The following CDHR3 variants were observed in gnomAD, a reference collection of about 807,000 sequenced individuals.
CDHR3 encodes cadherin-related family member 3.
In CDHR3, 79 loss-of-function variants were observed where a neutral mutation model predicts 86.6. The observed-to-expected ratio is 0.91, with a 90% confidence interval of 0.76 to 1.10. The LOEUF (loss-of-function observed/expected upper bound fraction) is 1.10. Ranked by LOEUF, CDHR3 falls within the 50% of genes least tolerant of loss-of-function variation. CDHR3 has a pLI of 0.00. For missense variants in CDHR3, 1,081 were observed against 1,077.6 expected (o/e 1.00, Z -0.04); for synonymous variants, 421 against 402.4 (o/e 1.05, Z -0.55).
intron 8 of CDHR3, among the ~76,000 whole-genome samples, chr7:106,009,707 G>T (rs1834491927): frequency 6.6e-6 from 1 of 152,198 alleles, no homozygotes. Context: ...CTTTCGTACC[G>T]TGGCCCCTGA....
At chr7:105,992,089 C>A (rs1831441655) in intron 4 of CDHR3, among the ~76,000 whole-genome samples, 1 of 152,118 alleles carries the variant, frequency 6.6e-6, no homozygotes. Flanking sequence ...TGTATGTATC[C>A]CCTTTGGAGC....
intron 7 of CDHR3, among the ~76,000 whole-genome samples, chr7:106,002,461 C>T (rs1833345530): frequency 6.6e-6 from 1 of 151,610 alleles, no homozygotes; most frequent in African/African-American, 2.4e-5. Flanking sequence ...TCTCTGTCTT[C>T]CAGAATAGGA....
rs901564044 is a variant in CDHR3, at chr7:106,034,320, C to G, written c.*1623C>G. On this transcript the variant is annotated 3_prime_UTR_variant, in exon 19 of 19. Coordinates refer to ENST00000317716, the MANE Select transcript of CDHR3 (RefSeq NM_152750.5). The stretch of plus-strand genomic sequence containing the variant: ...CTAGTCCAGTAACCCTAAGAAAGGT[C>G]CAGGTGAGTGTTCATTAGGGAAGCA... Among the ~76,000 whole-genome samples, 1 of 152,206 alleles carries G rather than the reference C, an allele frequency of 6.6e-6. No individual in the cohort carries two copies. Among genetic ancestry groups the G allele is most frequent in the African/African-American group, 2.4e-5 (1 of 41,438 alleles).
chr7:105,992,250 G>T (rs990907121), intron 4 of CDHR3, among the ~76,000 whole-genome samples: 2 of 152,164 alleles, frequency 1.3e-5, no homozygotes, highest in Non-Finnish European at 2.9e-5. Context: ...CATGTGGAAG[G>T]ACGCCCTGAT....
chr7:105,996,483 G>A (rs1198411273), intron 6 of CDHR3, 129 bp downstream of exon 6: 1 of 543,584 alleles, frequency 1.8e-6, no homozygotes, highest in Non-Finnish European at 3.3e-6. Context: ...AAAGATTAGA[G>A]GCACGTGCTC....
At position 106,007,269 on chromosome 7, in the gene CDHR3, G is replaced by A. The variant is rs554392810; in HGVS notation, c.1052+2582G>A. On this transcript the variant is annotated intron_variant, in intron 8 of 18. Transcript: ENST00000317716. The stretch of plus-strand genomic sequence containing the variant: ...TCCACAGAGGTCTCTGACATGCCCT[G>A]GTGACATTTACCCCATTGTCTTGGT... Among the ~76,000 whole-genome samples the A allele has an allele frequency of 2.6e-3, 403 of 152,286 alleles. 5 individuals are homozygous for A. Among genetic ancestry groups the A allele is most frequent in the South Asian group, 3.7e-3 (18 of 4,822 alleles).
chr7:106,013,983 C>T (rs1245825987), intron 9 of CDHR3, among the ~76,000 whole-genome samples: 4 of 151,810 alleles, frequency 2.6e-5, no homozygotes, highest in African/African-American at 9.7e-5. Flanking sequence ...TTTTAAGAGA[C>T]CATGTCTCGC....
intron 2 of CDHR3, among the ~76,000 whole-genome samples, chr7:105,976,059 G>A (rs188741270): frequency 1.1e-4 from 16 of 152,268 alleles, no homozygotes; most frequent in African/African-American, 3.4e-4. Flanking sequence ...CACACATTCA[G>A]TCAGTCTACA....
In CDHR3 at chr7:106,033,305, A is replaced by T. The variant is rs1349848956; in HGVS notation, c.*608A>T. ...TCCGGATCAGCATCCTGCATGTGAG[A>T]TTCATCCACGTTGTCCTGTCTAGCA... On this transcript the variant is annotated 3_prime_UTR_variant, in exon 19 of 19. Transcript: ENST00000317716. 4 of 152,730 alleles carry T rather than the reference A, an allele frequency of 2.6e-5. No individual in the cohort carries two copies. The highest frequency in any genetic ancestry group is 5.8e-5 in the Non-Finnish European group (4 of 68,458). 9.5% of individuals were successfully genotyped at this position (152,730 alleles called of 1,614,324 possible). A position where few individuals can be genotyped will look rare whatever the true frequency, so the allele number is the denominator to read the frequency against.
Position 106,015,818 on chromosome 7 carries a change from G to T in CDHR3, c.1328-109G>T, listed in dbSNP as rs537046506. The T allele has an allele frequency of 3.7e-6, 3 of 814,962 alleles. No homozygotes were observed. The South Asian group carries it at 4.3e-5, about 12-fold the overall frequency. The allele number at this position is 814,962 out of a possible 1,614,324, so 50.5% of individuals were successfully genotyped here. A position where few individuals can be genotyped will look rare whatever the true frequency, so the allele number is the denominator to read the frequency against. ...GGAGCTCCCATGTCTTAGCCACCTG[G>T]TATCCCCTATGCGCAAAGCCTGTAC... On this transcript the variant is annotated intron_variant, in intron 10 of 18. Coordinates refer to ENST00000317716, the MANE Select transcript of CDHR3 (RefSeq NM_152750.5).
At chr7:105,968,951 G>A (rs894497486) in intron 1 of CDHR3, among the ~76,000 whole-genome samples, 1 of 151,208 alleles carries the variant, frequency 6.6e-6, no homozygotes, top group Admixed American at 6.6e-5. Context: ...AGCCAGGCGT[G>A]GTGGCGGGCA....
chr7:105,983,076 C>T (rs1986676708), intron 3 of CDHR3, among the ~76,000 whole-genome samples: 1 of 151,986 alleles, frequency 6.6e-6, no homozygotes, highest in African/African-American at 2.4e-5. Context: ...TGTAACCCAA[C>T]TCACACTTCC....
chr7:105,973,330 C>T (rs913318110), intron 1 of CDHR3, among the ~76,000 whole-genome samples: 5 of 152,128 alleles, frequency 3.3e-5, no homozygotes, highest in African/African-American at 7.2e-5. Context: ...TCATTGTATT[C>T]GTTTCCTAGG....
At chr7:105,968,021 G>A (rs1827255822) in intron 1 of CDHR3, among the ~76,000 whole-genome samples, 2 of 152,168 alleles carry the variant, frequency 1.3e-5, no homozygotes, top group South Asian at 4.1e-4. Flanking sequence ...TAGACATGAA[G>A]TCCTTGCCCA....
chr7:106,032,183 T>C (rs952635599), intron 18 of CDHR3, among the ~76,000 whole-genome samples: 10 of 152,220 alleles, frequency 6.6e-5, no homozygotes, highest in Non-Finnish European at 1.2e-4. Flanking sequence ...GTTTGCTACC[T>C]GTGTGGTCCG....
intron 5 of CDHR3, 77 bp from the exon 6 acceptor site, chr7:105,996,173 C>T (rs2115757701): frequency 1.3e-6 from 1 of 780,104 alleles, no homozygotes; most frequent in Non-Finnish European, 2.2e-6. Flanking sequence ...CTCCTCCCAC[C>T]CCATGATTTT....
chr7:105,987,143 G>A (rs1830640514), intron 4 of CDHR3, among the ~76,000 whole-genome samples: 1 of 152,128 alleles, frequency 6.6e-6, no homozygotes, highest in South Asian at 2.1e-4. Context: ...CCCTTTCAGA[G>A]GAAGGAAAGC....
At position 105,975,008 on chromosome 7, in the gene CDHR3, G is replaced by T; in HGVS notation, c.211G>T (p.Ala71Ser). The change falls in exon 2 of 19, where the codon GCT (alanine) becomes TCT (serine). Residue 71 changes from alanine to serine, a missense_variant. Coordinates refer to ENST00000317716, the MANE Select transcript of CDHR3 (RefSeq NM_152750.5). ...AGTCAACTCAAATCCCCTCACTGAAGCTTTTAGGGTGAATTGGCTGTCAGG... is the reference window on the plus strand; with the variant it reads ...AGTCAACTCAAATCCCCTCACTGAATCTTTTAGGGTGAATTGGCTGTCAGG... ...QIVNSNPLTE[A>S]FRVNWLSGTY... 1 of 1,613,962 alleles carries T rather than the reference G, an allele frequency of 6.2e-7. No individual in the cohort carries two copies. Among genetic ancestry groups the T allele is most frequent in the Non-Finnish European group, 8.5e-7 (1 of 1,179,854 alleles).
intron 8 of CDHR3, chr7:106,004,916 A>C (rs960439987): frequency 3.6e-6 from 2 of 548,688 alleles, no homozygotes; most frequent in Non-Finnish European, 6.3e-6. Flanking sequence ...TCACTTTCTT[A>C]CTCTTAAGAA....
Sources: allele counts gnomAD v4.1 joint callset (sites outside exome capture counted in the v4.1 genomes callset), GRCh38; gene constraint gnomAD v4.1.1; transcripts MANE v1.5; gene names NCBI Gene and HGNC (gene_info 2026-07-23, HGNC 2026-07-21).